MAP1B: variants seen among roughly 807,000 people sequenced by gnomAD.
MAP1B encodes microtubule associated protein 1B, also known as microtubule-associated protein 1B.
In MAP1B, 12 loss-of-function variants were observed where a neutral mutation model predicts 176.1. The observed-to-expected ratio is 0.07, with a 90% CI of 0.04 to 0.11. The LOEUF (loss-of-function observed/expected upper bound fraction) is 0.11. Among genes scored for constraint, MAP1B ranks in the 10% least tolerant of loss-of-function variants. MAP1B has a pLI of 1.00. For synonymous variants in MAP1B, 1,044 were observed against 1,135.0 expected, an observed-to-expected ratio of 0.92 and a Z score of 1.61; for missense variants, 2,523 against 2,990.5, an observed-to-expected ratio of 0.84 and a Z score of 3.65.
chr5:72,151,917 A>C (rs1746147338), intron 2 of MAP1B, among the ~76,000 whole-genome samples: 2 of 152,242 alleles, frequency 1.3e-5, no homozygotes, highest in Non-Finnish European at 2.9e-5. Context: ...TTTACAGACC[A>C]GTTGCAGAGA....
intron 3 of MAP1B, among the ~76,000 whole-genome samples, chr5:72,185,039 A>C (rs190602268): frequency 2.6e-5 from 4 of 152,188 alleles, no homozygotes. Flanking sequence ...TGGACATTTC[A>C]TATAAATATA....
rs566490859 is a variant in MAP1B, at chr5:72,128,240, G to T, written c.286+12441G>T. On this transcript the variant is annotated intron_variant, in intron 2 of 6. Transcript: ENST00000296755. ...TGGTAATTATACTGTAAACATGAGG[G>T]TGTGCGGATTAGTAGCGATTTCTTA... Among the ~76,000 whole-genome samples, 5 of 152,264 alleles carry T rather than the reference G, an allele frequency of 3.3e-5. No individual in the cohort carries two copies. The South Asian group carries it at 1.0e-3, about 32-fold the overall frequency.
At chr5:72,112,334 GCTTTTAA>G (rs1224382042) in intron 1 of MAP1B, among the ~76,000 whole-genome samples, 3 of 152,094 alleles carry the variant, frequency 2.0e-5, no homozygotes, top group Admixed American at 2.0e-4. Flanking sequence ...ATGAATTTTA[GCTTTTAA>G]ATGGGAGGTG....
intron 1 of MAP1B, among the ~76,000 whole-genome samples, chr5:72,111,990 G>A (rs1221001996): frequency 6.6e-6 from 1 of 151,978 alleles, no homozygotes; most frequent in Non-Finnish European, 1.5e-5. Context: ...ATGAGTTCAA[G>A]GGAAAAAATA....
At chr5:72,130,213 C>T (rs73123332) in intron 2 of MAP1B, among the ~76,000 whole-genome samples, 2,172 of 150,098 alleles carry the variant, frequency 0.014, 57 homozygotes, top group African/African-American at 0.05. Context: ...AACAAAAAGA[C>T]GAAAGGGCTT....
chr5:72,186,864 T>C lies in MAP1B; in HGVS notation c.510+110T>C, dbSNP rs1043155298. The C allele has an allele frequency of 7.6e-7, 1 of 1,313,772 alleles. No homozygotes were observed. The highest frequency in any genetic ancestry group is 1.5e-5 in the African/African-American group (1 of 67,968). 81.4% of individuals were successfully genotyped at this position (1,313,772 alleles called of 1,614,324 possible). A position where few individuals can be genotyped will look rare whatever the true frequency, so the allele number is the denominator to read the frequency against. ...AAGAAGGGAGGGAACCTCACAGCTC[T>C]CCTGAAATAAGCAAAACTGCATGAT... On this transcript the variant is annotated intron_variant, in intron 4 of 6. Transcript: ENST00000296755. This position sits in a 1 kb window ranked among gnomAD's most constrained non-coding sequence, Gnocchi z 4.3.
intron 2 of MAP1B, among the ~76,000 whole-genome samples, chr5:72,144,459 T>A (rs1029137193): frequency 1.4e-4 from 21 of 152,144 alleles, no homozygotes; most frequent in African/African-American, 5.1e-4. Context: ...AGGGATGCGA[T>A]CATGGCTCAC....
At chr5:72,140,202 A>G (rs1056296483) in intron 2 of MAP1B, among the ~76,000 whole-genome samples, 3 of 152,114 alleles carry the variant, frequency 2.0e-5, no homozygotes, top group African/African-American at 4.8e-5. Flanking sequence ...GGCTCAAGCA[A>G]TCTGCCCTCC....
chr5:72,186,822 A>G lies in MAP1B; in HGVS notation c.510+68A>G, dbSNP rs1746908953. The G allele has an allele frequency of 1.9e-6, 3 of 1,564,264 alleles. No homozygotes were observed. In the Admixed American group the frequency reaches 5.1e-5, roughly 27 times the overall value. ...TTGCCTTAGGTTCCTCTTTGAGAGCACTGGGGGAGACAAAAGAAGAAGGGA... is the reference window on the plus strand; with the variant it reads ...TTGCCTTAGGTTCCTCTTTGAGAGCGCTGGGGGAGACAAAAGAAGAAGGGA... On this transcript the variant is annotated intron_variant, in intron 4 of 6. Coordinates refer to ENST00000296755, the MANE Select transcript of MAP1B (RefSeq NM_005909.5). The surrounding 1 kb of genome is among the most constrained non-coding windows in gnomAD (Gnocchi z 4.3).
intron 2 of MAP1B, among the ~76,000 whole-genome samples, chr5:72,118,447 G>A (rs1316074457): frequency 3.3e-5 from 5 of 152,162 alleles, no homozygotes; most frequent in Non-Finnish European, 1.5e-5. Flanking sequence ...GCATTATAGG[G>A]TGCTTGGTGA....
In MAP1B at chr5:72,197,453, T is replaced by C. The variant is rs760180077; in HGVS notation, c.4098T>C (p.Ser1366=). 6.2e-7 allele frequency: 1 copy of C among 1,614,024 alleles called. No homozygotes were observed. The highest frequency in any genetic ancestry group is 1.7e-5 in the Admixed American group (1 of 59,998). The part of the protein sequence containing the change: ...PPAVPVSFEF[S]DAKDENERAS... ...CAGTTCCAGTGAGTTTTGAATTCAG[T>C]GATGCCAAAGATGAGAATGAAAGGG... Residue 1366 remains serine (S), a synonymous_variant, in exon 5 of 7, where the codon AGT becomes AGC. Transcript: ENST00000296755.
intron 1 of MAP1B, among the ~76,000 whole-genome samples, chr5:72,113,600 C>T (rs1293467776): frequency 6.6e-6 from 1 of 152,166 alleles, no homozygotes; most frequent in Non-Finnish European, 1.5e-5. Flanking sequence ...TGAAGTCATT[C>T]AAATAATGTA....
chr5:72,167,694 G>A (rs897126387), intron 2 of MAP1B, among the ~76,000 whole-genome samples: 1 of 152,166 alleles, frequency 6.6e-6, no homozygotes, highest in African/African-American at 2.4e-5. Flanking sequence ...AAAGAGAATG[G>A]ACCAGAAATG....
In MAP1B at chr5:72,198,433, A is replaced by T; in HGVS notation, c.5078A>T (p.Asp1693Val). The change falls in exon 5 of 7, where the codon GAC becomes GTC. Residue 1693 changes from aspartate to valine, a missense_variant. Physicochemically the swap from Asp to Val is radical, Grantham distance 152 (BLOSUM62 -3). This residue lies in a region of MAP1B where 1,925 missense variants were observed against 2,126.0 expected (regional missense o/e 0.91). Coordinates refer to ENST00000296755, the MANE Select transcript of MAP1B (RefSeq NM_005909.5). The stretch of plus-strand genomic sequence containing the variant: ...ACTGAAGTGGACTACAGTCCTTCTG[A>T]CATGCAGGACTCCAGTTTATCACAT... ...GPTEVDYSPS[D>V]MQDSSLSHKI... The T allele has an allele frequency of 6.2e-7, 1 of 1,614,014 alleles. No individual in the cohort carries two copies. Among genetic ancestry groups the T allele is most frequent in the East Asian group, 2.2e-5 (1 of 44,874 alleles).
rs370077719 is a variant in MAP1B, at chr5:72,196,245, G to C, written c.2890G>C (p.Val964Leu). ...PEEDGEEHVCVSASKHSPTED... is the reference protein window; with the variant it reads ...PEEDGEEHVCLSASKHSPTED... The stretch of plus-strand genomic sequence containing the variant: ...AGAGGATGGGGAGGAACACGTATGT[G>C]TGAGCGCCTCCAAGCACAGCCCCAC... The change falls in exon 5 of 7, where the codon GTG (valine) becomes CTG (leucine). Residue 964 changes from valine to leucine, a missense_variant. Around this residue, in one of 4 missense-constraint regions of MAP1B, gnomAD observed 1,925 missense variants for 2,126.0 expected, o/e 0.91. Transcript: ENST00000296755. This position sits in a 1 kb window ranked among gnomAD's most constrained non-coding sequence, Gnocchi z 5.3. 1 of 1,613,914 alleles carries C rather than the reference G, an allele frequency of 6.2e-7. No individual in the cohort carries two copies. The highest frequency in any genetic ancestry group is 1.3e-5 in the African/African-American group (1 of 75,034).
At chr5:72,201,207 A>C (rs1203401558) in intron 5 of MAP1B, among the ~76,000 whole-genome samples, 1 of 149,638 alleles carries the variant, frequency 6.7e-6, no homozygotes, top group Non-Finnish European at 1.5e-5. Flanking sequence ...CACAAAAAAA[A>C]AAAAATGTTT....
chr5:72,173,618 C>T (rs544666648), intron 2 of MAP1B, among the ~76,000 whole-genome samples: 1 of 152,320 alleles, frequency 6.6e-6, no homozygotes, highest in South Asian at 2.1e-4. Context: ...CTGCACAGGG[C>T]ACCTGGCACA....
Position 72,160,265 on chromosome 5 carries a change from C to T in MAP1B, c.287-23478C>T, listed in dbSNP as rs1052767228. 1.1e-4 allele frequency among the ~76,000 whole-genome samples: 17 copies of T among 150,974 alleles called. No homozygotes were observed. In the East Asian group the frequency reaches 2.3e-3, roughly 21 times the overall value. On this transcript the variant is annotated intron_variant, in intron 2 of 6. Transcript: ENST00000296755. ...CCAAAAAAACTTTCTGTATTCATTC[C>T]GTTTTGGAAAAGACTCTGAAAAAGG... is the stretch of plus-strand genomic sequence containing the variant.
At chr5:72,150,206 A>G (rs1003676197) in intron 2 of MAP1B, among the ~76,000 whole-genome samples, 2 of 152,246 alleles carry the variant, frequency 1.3e-5, no homozygotes, top group African/African-American at 4.8e-5. Flanking sequence ...AGGTCTTGAT[A>G]TCTGCTATTT....
Sources: allele counts gnomAD v4.1 joint callset (sites outside exome capture counted in the v4.1 genomes callset), GRCh38; gene constraint gnomAD v4.1.1; regional missense constraint gnomAD v4.1.1; non-coding constraint Gnocchi (gnomAD v3.1); transcripts MANE v1.5; gene names NCBI Gene and HGNC (gene_info 2026-07-23, HGNC 2026-07-21).